The following GLOD4 variants were observed in gnomAD, a reference collection of about 807,000 sequenced individuals.
The protein encoded by GLOD4 is glyoxalase domain-containing protein 4.
Under a neutral mutation model 39.1 loss-of-function variants are expected in GLOD4, and 44 were observed. The observed-to-expected ratio is 1.13, with a 90% confidence interval of 0.88 to 1.45. The LOEUF (loss-of-function observed/expected upper bound fraction) is 1.45. GLOD4 is among the 40% of genes most tolerant of loss of function. The pLI is 0.00. For synonymous variants in GLOD4, 145 were observed against 135.0 expected, an observed-to-expected ratio of 1.07 and a Z score of -0.52; for missense variants, 405 against 366.4, an observed-to-expected ratio of 1.11 and a Z score of -0.86.
Position 778,739 on chromosome 17 carries a change from C to T in GLOD4, c.96G>A (p.Leu32=), listed in dbSNP as rs554736062. The stretch of plus-strand genomic sequence containing the variant: ...AGCCTTCTTCAAATTCCTCATGCCG[C>T]AGAACCTGGTGTGAGATTTAGAATA... ...FYRDVLGMKV[L]RHEEFEEGCK... is the part of the protein sequence containing the mutation. Residue 32 remains leucine, a synonymous_variant, in exon 2 of 9, where the codon CTG becomes CTA. Coordinates refer to ENST00000301329, the MANE Select transcript of GLOD4 (RefSeq NM_016080.4). 1.9e-6 allele frequency: 3 copies of T among 1,596,402 alleles called. No individual in the cohort carries two copies. Among genetic ancestry groups the T allele is most frequent in the South Asian group, 2.2e-5 (2 of 90,698 alleles).
intron 1 of GLOD4, among the ~76,000 whole-genome samples, chr17:779,875 T>C (rs1909586924): frequency 6.6e-6 from 1 of 151,606 alleles, no homozygotes; most frequent in African/African-American, 2.4e-5. Context: ...TTAAAAATCA[T>C]CCTTATTGGC....
In GLOD4 at chr17:771,461, T is replaced by A; in HGVS notation, c.407A>T (p.Asp136Val). The stretch of plus-strand genomic sequence containing the variant: ...TGCTAGAGTTACTTTTAATACAGGA[T>A]CTGTTGGGTAATAAAGCAGGAATAG... ...YLQNRSLPQS[D>V]PVLKVTLAVS... The change falls in exon 5 of 9, where the codon GAT becomes GTT. Residue 136 changes from aspartate (D) to valine (V), a missense_variant and splice_region_variant. Transcript: ENST00000301329. The A allele has an allele frequency of 6.4e-7, 1 of 1,553,126 alleles. No individual in the cohort carries two copies. Among genetic ancestry groups the A allele is most frequent in the Admixed American group, 1.9e-5 (1 of 52,722 alleles).
chr17:770,587 T>A, intron 5 of GLOD4, 80 bp from the exon 6 acceptor site: 2 of 772,774 alleles, frequency 2.6e-6, no homozygotes, highest in Non-Finnish European at 4.8e-6. Context: ...TCAAATATTA[T>A]ATACTAAAGG....
At chr17:770,720 T>C (rs1597582033) in intron 5 of GLOD4, 2 of 419,428 alleles carry the variant, frequency 4.8e-6, no homozygotes, top group East Asian at 7.1e-5. Context: ...CAAATGGTGG[T>C]ATAATTTACA....
chr17:760,050 C>A lies in GLOD4; in HGVS notation c.*123G>T. 2 of 679,292 alleles carry A rather than the reference C, an allele frequency of 2.9e-6. No homozygotes were observed. The highest frequency in any genetic ancestry group is 3.5e-5 in the South Asian group (2 of 57,592). The allele number at this position is 679,292 out of a possible 1,614,324, so 42.1% of individuals were successfully genotyped here. A position where few individuals can be genotyped will look rare whatever the true frequency, so the allele number is the denominator to read the frequency against. On this transcript the variant is annotated 3_prime_UTR_variant, in exon 9 of 9. Coordinates refer to ENST00000301329, the MANE Select transcript of GLOD4 (RefSeq NM_016080.4). ...AAAGATTGAAATACACAAATCTGCACTACCCAAGCCTCCTTGCCTGTACGG... is the reference window on the plus strand; with the variant it reads ...AAAGATTGAAATACACAAATCTGCAATACCCAAGCCTCCTTGCCTGTACGG...
At chr17:770,381 G>A (rs1275919967) in intron 6 of GLOD4, 40 bp downstream of exon 6, 1 of 1,005,466 alleles carries the variant, frequency 9.9e-7, no homozygotes, top group African/African-American at 1.6e-5. Context: ...GGTTGAACTA[G>A]CTAGTCAGAA....
chr17:772,209 A>C (rs12948194), intron 4 of GLOD4, among the ~76,000 whole-genome samples: 2 of 124,828 alleles, frequency 1.6e-5, no homozygotes, highest in South Asian at 2.6e-4. Flanking sequence ...AAAAAAAAAA[A>C]CAAAGACAGT....
chr17:783,457 C>A, upstream of GLOD4: 2 of 911,726 alleles, frequency 2.2e-6, no homozygotes, highest in Non-Finnish European at 3.2e-6. Context: ...TTGCCTCAGC[C>A]TCCGCAGTAG....
rs759658342 is a variant in GLOD4 at position 782,278 on chromosome 17, C to A, written c.-23G>T. ...CATGATTCCCGCCGCACGCAGCCGT[C>A]ACGCGCACCGTACAGCCCAGTCCAC... On this transcript the variant is annotated 5_prime_UTR_variant, in exon 1 of 9. Coordinates refer to ENST00000301329, the MANE Select transcript of GLOD4 (RefSeq NM_016080.4). 2.9e-5 allele frequency: 46 copies of A among 1,612,740 alleles called. No homozygotes were observed. The highest frequency in any genetic ancestry group is 3.6e-5 in the Non-Finnish European group (43 of 1,179,280).
At chr17:783,749 C>T (rs1910376515), upstream of GLOD4, among the ~76,000 whole-genome samples, 1 of 152,176 alleles carries the variant, frequency 6.6e-6, no homozygotes, top group Non-Finnish European at 1.5e-5. Flanking sequence ...ATATAATTCT[C>T]AAACCTGTGT....
intron 4 of GLOD4, among the ~76,000 whole-genome samples, chr17:774,919 A>C (rs1037829849): frequency 6.6e-6 from 1 of 151,940 alleles, no homozygotes; most frequent in Non-Finnish European, 1.5e-5. Flanking sequence ...AAATACAAAA[A>C]TGAGCTGGGC....
At chr17:762,971 T>G (rs1905777610) in intron 8 of GLOD4, among the ~76,000 whole-genome samples, 1 of 149,982 alleles carries the variant, frequency 6.7e-6, no homozygotes, top group Non-Finnish European at 1.5e-5. Context: ...GGTCAGGAGA[T>G]CGAGACCATC....
rs150125013 is a variant in GLOD4, at chr17:775,857, C to T, written c.324G>A (p.Thr108=). Residue 108 remains threonine, a synonymous_variant, in exon 4 of 9, where the codon ACG becomes ACA. Coordinates refer to ENST00000301329, the MANE Select transcript of GLOD4 (RefSeq NM_016080.4). ...SNARKLEWPL[T]EVAEGVFETE... The stretch of plus-strand genomic sequence containing the variant: ...TTTCAAAAACACCTTCTGCAACTTC[C>T]GTCAGTGGCCACTCCAGCTTCCTGG... 3.8e-5 allele frequency: 62 copies of T among 1,613,108 alleles called. No individual in the cohort carries two copies. The highest frequency in any genetic ancestry group is 1.4e-4 in the South Asian group (13 of 91,056).
intron 5 of GLOD4, 143 bp from the exon 6 acceptor site, chr17:770,650 CCA>C (rs1907797208): frequency 6.7e-6 from 4 of 594,462 alleles, no homozygotes; most frequent in South Asian, 2.2e-5. Context: ...GACAACTAGT[CCA>C]CACTTTCCTG....
Position 776,983 on chromosome 17 carries a change from T to A in GLOD4, c.146A>T (p.Tyr49Phe), listed in dbSNP as rs770035218. 5.0e-6 allele frequency: 8 copies of A among 1,610,194 alleles called. No individual in the cohort carries two copies. The South Asian group carries it at 6.6e-5, about 13-fold the overall frequency. The change falls in exon 3 of 9, where the codon TAT (tyrosine) becomes TTT (phenylalanine). Residue 49 changes from tyrosine to phenylalanine, a missense_variant. Tyr to Phe is a conservative substitution (Grantham distance 22). Coordinates refer to ENST00000301329, the MANE Select transcript of GLOD4 (RefSeq NM_016080.4). ...EGCKAACNGP[Y>F]DGKWSKTMVG... ...CATTGTTTTACTCCATTTCCCATCATAAGGCCTAGAAAATAAAAGTAAATG... is the reference window on the plus strand; with the variant it reads ...CATTGTTTTACTCCATTTCCCATCAAAAGGCCTAGAAAATAAAAGTAAATG...
In GLOD4 at chr17:775,903, G is replaced by T; in HGVS notation, c.278C>A (p.Ser93Tyr). Residue 93 changes from serine (S) to tyrosine (Y), a missense_variant, in exon 4 of 9, where the codon TCT (serine) becomes TAT (tyrosine). Ser to Tyr is a moderately radical substitution (Grantham distance 144). Transcript: ENST00000301329. Reference protein sequence around the residue: ...GNDFMGITLASSQAVSNARKL... With the variant: ...GNDFMGITLAYSQAVSNARKL... ...CCTGGCGTTGCTGACAGCCTGGCTAGAAGCGAGCGTGATTCCCTACAACAA... is the reference window on the plus strand; with the variant it reads ...CCTGGCGTTGCTGACAGCCTGGCTATAAGCGAGCGTGATTCCCTACAACAA... 6.2e-7 allele frequency: 1 copy of T among 1,613,344 alleles called. No homozygotes were observed. The highest frequency in any genetic ancestry group is 8.5e-7 in the Non-Finnish European group (1 of 1,179,270).
At chr17:783,077 C>G (rs371945655), upstream of GLOD4, 9 of 1,597,256 alleles carry the variant, frequency 5.6e-6, no homozygotes, top group African/African-American at 9.5e-5. Flanking sequence ...TTATTTCCAT[C>G]TACAGCAGTG....
rs1435225753 is a variant in GLOD4 at position 775,835 on chromosome 17, C to G, written c.346G>C (p.Glu116Gln). The G allele has an allele frequency of 1.9e-6, 3 of 1,613,808 alleles. No homozygotes were observed. The highest frequency in any genetic ancestry group is 2.5e-6 in the Non-Finnish European group (3 of 1,179,832). The change falls in exon 4 of 9, where the codon GAA becomes CAA. Residue 116 changes from glutamate to glutamine, a missense_variant. Coordinates refer to ENST00000301329, the MANE Select transcript of GLOD4 (RefSeq NM_016080.4). ...PLTEVAEGVF[E>Q]TEAPGGYKFY... ...TTATATCCTCCCGGGGCCTCGGTTT[C>G]AAAAACACCTTCTGCAACTTCCGTC...
rs190028481 is a variant in GLOD4, at chr17:771,326, T to C, written c.542A>G (p.Gln181Arg). Reference sequence around the variant, plus strand: ...TTATTCTTCTCCAAGATTGCTCACCTGGTTATCAGCATAGCCCAGCAAAGC... The same window carrying C: ...TTATTCTTCTCCAAGATTGCTCACCCGGTTATCAGCATAGCCCAGCAAAGC... ...QRALLGYADN[Q>R]CKLELQGVKG... Residue 181 changes from glutamine (Q) to arginine (R), a missense_variant and splice_region_variant, in exon 5 of 9, where the codon CAG becomes CGG. Gln to Arg is a conservative substitution (Grantham distance 43). Transcript: ENST00000301329. 28 of 1,581,010 alleles carry C rather than the reference T, an allele frequency of 1.8e-5. No homozygotes were observed. The highest frequency in any genetic ancestry group is 2.3e-5 in the Non-Finnish European group (27 of 1,166,428).
Sources: gnomAD v4.1 joint callset for allele counts (sites outside exome capture counted in the v4.1 genomes callset) on GRCh38, gnomAD v4.1.1 for gene constraint, MANE v1.5 for transcripts, NCBI Gene and HGNC (gene_info 2026-07-23, HGNC 2026-07-21) for gene names.